Variants in SGCZ observed in about 807,000 individuals in gnomAD.
SGCZ encodes zeta-sarcoglycan.
A neutral mutation model predicts 41.3 loss-of-function variants in SGCZ; 40 were observed. The ratio of observed to expected loss-of-function variants is 0.97; its 90% CI spans 0.75 to 1.26. The LOEUF (loss-of-function observed/expected upper bound fraction) is 1.26, where lower values mean the gene tolerates loss of function less well. Among genes scored for constraint, SGCZ ranks in the 50% most tolerant of loss-of-function variants. The pLI is 0.00. For missense variants in SGCZ, 552 were observed against 369.8 expected (o/e 1.49, Z -4.04); for synonymous variants, 206 against 137.5 (o/e 1.50, Z -3.49).
chr8:14,902,363 C>A (rs900455456), intron 1 of SGCZ, among the ~76,000 whole-genome samples: 1 of 152,110 alleles, frequency 6.6e-6, no homozygotes, highest in Non-Finnish European at 1.5e-5. Flanking sequence ...ATCATTTTGA[C>A]CCCTGCGACT....
intron 1 of SGCZ, among the ~76,000 whole-genome samples, chr8:14,850,661 G>A (rs1355652821): frequency 6.6e-6 from 1 of 152,194 alleles, no homozygotes; most frequent in Non-Finnish European, 1.5e-5. Context: ...TAGGCTTTGT[G>A]TACCCACCCA....
At chr8:14,516,407 AG>A (rs1236067120) in intron 2 of SGCZ, among the ~76,000 whole-genome samples, 1 of 152,082 alleles carries the variant, frequency 6.6e-6, no homozygotes, top group Non-Finnish European at 1.5e-5. Flanking sequence ...GGCATAAAAA[AG>A]GGTGAAAATC....
intron 5 of SGCZ, among the ~76,000 whole-genome samples, chr8:14,131,242 C>A (rs1282011535): frequency 6.6e-6 from 1 of 152,132 alleles, no homozygotes; most frequent in Non-Finnish European, 1.5e-5. Flanking sequence ...TCCAGGGTGG[C>A]ACCTTAAAGG....
intron 1 of SGCZ, among the ~76,000 whole-genome samples, chr8:15,117,770 T>C (rs1377364534): frequency 6.6e-6 from 1 of 152,180 alleles, no homozygotes; most frequent in East Asian, 1.9e-4. Flanking sequence ...ACTCAGAAAA[T>C]AAATAACTAT....
intron 1 of SGCZ, among the ~76,000 whole-genome samples, chr8:15,215,222 G>A (rs1801360426): frequency 6.6e-6 from 1 of 152,016 alleles, no homozygotes; most frequent in Non-Finnish European, 1.5e-5. Flanking sequence ...GATAATTATT[G>A]CTCTTCAAGA....
chr8:14,213,962 G>A (rs1385358573), intron 4 of SGCZ, among the ~76,000 whole-genome samples: 7 of 152,018 alleles, frequency 4.6e-5, no homozygotes, highest in South Asian at 4.1e-4. Flanking sequence ...TAATTAGGGC[G>A]TGTTCAACAT....
intron 1 of SGCZ, among the ~76,000 whole-genome samples, chr8:15,099,773 T>A (rs1326591880): frequency 6.6e-6 from 1 of 152,162 alleles, no homozygotes; most frequent in East Asian, 1.9e-4. Flanking sequence ...GAAATTTATT[T>A]CATATATGTA....
At chr8:14,629,998 T>G (rs1411369763) in intron 1 of SGCZ, among the ~76,000 whole-genome samples, 10 of 152,126 alleles carry the variant, frequency 6.6e-5, no homozygotes, top group Non-Finnish European at 1.3e-4. Context: ...CTGATTATTG[T>G]GTGCTAGGTC....
At chr8:14,606,338 C>T (rs1805748048) in intron 1 of SGCZ, among the ~76,000 whole-genome samples, 1 of 152,134 alleles carries the variant, frequency 6.6e-6, no homozygotes, top group South Asian at 2.1e-4. Flanking sequence ...CCTAAACCTC[C>T]TCAACTCAAT....
chr8:14,189,138 C>T (rs1405057777), intron 4 of SGCZ, among the ~76,000 whole-genome samples: 1 of 152,036 alleles, frequency 6.6e-6, no homozygotes, highest in Admixed American at 6.6e-5. Flanking sequence ...GGATTACAGG[C>T]GTGAGCCACT....
Position 14,617,582 on chromosome 8 carries a change from G to C in SGCZ, c.40-62656C>G, listed in dbSNP as rs78738674. Among the ~76,000 whole-genome samples the C allele has an allele frequency of 4.1e-3, 624 of 152,214 alleles. 4 individuals are homozygous for C. Among genetic ancestry groups the C allele is most frequent in the African/African-American group, 0.012 (514 of 41,552 alleles). On this transcript the variant is annotated intron_variant, in intron 1 of 7. Transcript: ENST00000382080. ...GCTTCTTGTTTCTAAGCTTTGCACA[G>C]TCCTAACCATAAATACACTTGAAAT... is the stretch of plus-strand genomic sequence containing the variant.
intron 1 of SGCZ, among the ~76,000 whole-genome samples, chr8:14,573,163 T>A (rs2117236236): frequency 6.6e-6 from 1 of 150,740 alleles, no homozygotes; most frequent in African/African-American, 2.4e-5. Context: ...CCCTTTTAAA[T>A]TTGCCTCCAA....
At chr8:14,603,795 T>C (rs1805665055) in intron 1 of SGCZ, among the ~76,000 whole-genome samples, 1 of 152,172 alleles carries the variant, frequency 6.6e-6, no homozygotes, top group Non-Finnish European at 1.5e-5. Flanking sequence ...ATGATTTAGT[T>C]TCCTGAGATC....
intron 1 of SGCZ, among the ~76,000 whole-genome samples, chr8:14,728,481 G>C (rs1810132080): frequency 6.6e-6 from 1 of 150,854 alleles, no homozygotes; most frequent in Admixed American, 6.6e-5. Flanking sequence ...AATTTGAAAA[G>C]ACTTATTAAC....
intron 4 of SGCZ, among the ~76,000 whole-genome samples, chr8:14,210,213 A>C (rs1805757877): frequency 6.6e-6 from 1 of 152,058 alleles, no homozygotes. Context: ...GCACACTACT[A>C]CCGTCTAGCT....
At chr8:14,796,691 G>A (rs1801141973) in intron 1 of SGCZ, among the ~76,000 whole-genome samples, 1 of 152,062 alleles carries the variant, frequency 6.6e-6, no homozygotes, top group Admixed American at 6.5e-5. Flanking sequence ...CAACTCAACT[G>A]GGCAGAGGTA....
chr8:14,875,749 G>T (rs1026152993), intron 1 of SGCZ, among the ~76,000 whole-genome samples: 4 of 152,020 alleles, frequency 2.6e-5, no homozygotes, highest in African/African-American at 9.7e-5. Context: ...ACAGTAGTAG[G>T]GCAAGAAGAA....
At chr8:14,580,434 GT>G (rs2117255530) in intron 1 of SGCZ, among the ~76,000 whole-genome samples, 1 of 152,198 alleles carries the variant, frequency 6.6e-6, no homozygotes, top group South Asian at 2.1e-4. Context: ...TTAAATAGAA[GT>G]TAGAGCTTGT....
intron 1 of SGCZ, among the ~76,000 whole-genome samples, chr8:14,853,959 T>C (rs941804488): frequency 2.0e-5 from 3 of 148,842 alleles, no homozygotes; most frequent in African/African-American, 7.4e-5. Context: ...ATATCAAAGG[T>C]CGAAATTTGC....
Sources: allele counts gnomAD v4.1 joint callset (sites outside exome capture counted in the v4.1 genomes callset), GRCh38; gene constraint gnomAD v4.1.1; transcripts MANE v1.5; gene names NCBI Gene and HGNC (gene_info 2026-07-23, HGNC 2026-07-21).